AVEN: variants seen among roughly 807,000 people sequenced by gnomAD.
The protein encoded by AVEN is cell death regulator Aven.
A neutral mutation model predicts 38.1 loss-of-function variants in AVEN; 41 were observed. The observed-to-expected ratio is 1.08, with a 90% CI of 0.84 to 1.40. The LOEUF (loss-of-function observed/expected upper bound fraction) is 1.40. AVEN is among the 40% of genes most tolerant of loss of function. The pLI, the probability that AVEN is intolerant of heterozygous loss-of-function variation, is 0.00. For missense variants in AVEN, 605 were observed against 438.8 expected (o/e 1.38, Z -3.38); for synonymous variants, 206 against 171.8 (o/e 1.20, Z -1.56).
intron 1 of AVEN, among the ~76,000 whole-genome samples, chr15:34,006,227 C>T (rs1597340289): frequency 6.6e-6 from 1 of 151,568 alleles, no homozygotes; most frequent in Non-Finnish European, 1.5e-5. Context: ...AGGAGAATGG[C>T]GTGAATCCAG....
At chr15:33,887,988 G>A (rs1156449328) in intron 2 of AVEN, among the ~76,000 whole-genome samples, 2 of 151,996 alleles carry the variant, frequency 1.3e-5, no homozygotes, top group Non-Finnish European at 1.5e-5. Context: ...TCACCCTCAG[G>A]GAGAGCAGAT....
intron 3 of AVEN, among the ~76,000 whole-genome samples, chr15:33,871,843 G>A (rs114247963): frequency 0.032 from 4,829 of 151,454 alleles, 240 homozygotes; most frequent in African/African-American, 0.11. Context: ...CCCCATAAAG[G>A]GCTAAAGCTG....
intron 2 of AVEN, among the ~76,000 whole-genome samples, chr15:33,932,328 G>A (rs1312251463): frequency 6.6e-6 from 1 of 152,186 alleles, no homozygotes; most frequent in African/African-American, 2.4e-5. Context: ...AAGTCATACA[G>A]TGATCTTGTC....
chr15:33,920,188 G>A (rs1893340191), intron 2 of AVEN, among the ~76,000 whole-genome samples: 1 of 152,072 alleles, frequency 6.6e-6, no homozygotes, highest in African/African-American at 2.4e-5. Flanking sequence ...CTTAATTGTG[G>A]TAAAAATACA....
At chr15:34,018,611 G>C (rs767283566) in intron 1 of AVEN, 1 of 152,264 alleles carries the variant, frequency 6.6e-6, no homozygotes, top group African/African-American at 2.4e-5. Context: ...CCCAAAGAGT[G>C]TGCAGCAGCA....
chr15:34,013,979 G>A (rs1897752743), intron 1 of AVEN, among the ~76,000 whole-genome samples: 1 of 152,114 alleles, frequency 6.6e-6, no homozygotes, highest in South Asian at 2.1e-4. Flanking sequence ...CCCCTGCCTT[G>A]GTATTAGCAA....
At chr15:33,932,720 G>A (rs1021015029) in intron 2 of AVEN, among the ~76,000 whole-genome samples, 1 of 152,080 alleles carries the variant, frequency 6.6e-6, no homozygotes, top group Non-Finnish European at 1.5e-5. Flanking sequence ...AGCTACTCAG[G>A]AGGCTGAGGC....
intron 5 of AVEN, among the ~76,000 whole-genome samples, chr15:34,061,278 A>G (rs747041919): frequency 3.9e-5 from 6 of 152,132 alleles, no homozygotes; most frequent in Non-Finnish European, 8.8e-5. Context: ...CTACAAAGGG[A>G]AAATTTCATT....
intron 1 of AVEN, among the ~76,000 whole-genome samples, chr15:34,005,492 G>A (rs569351903): frequency 6.6e-6 from 1 of 152,126 alleles, no homozygotes; most frequent in African/African-American, 2.4e-5. Context: ...GCTCAATGGA[G>A]TCAAGCTAAA....
chr15:33,942,615 T>G (rs1455982975), intron 2 of AVEN, among the ~76,000 whole-genome samples: 2 of 152,002 alleles, frequency 1.3e-5, no homozygotes, highest in African/African-American at 4.8e-5. Flanking sequence ...CATGCCCGGC[T>G]AATATTTTTG....
At chr15:33,885,927 G>T (rs1891680645) in intron 2 of AVEN, among the ~76,000 whole-genome samples, 1 of 152,142 alleles carries the variant, frequency 6.6e-6, no homozygotes, top group South Asian at 2.1e-4. Context: ...TCAGAACAAG[G>T]CCAGCATCAA....
intron 2 of AVEN, among the ~76,000 whole-genome samples, chr15:33,950,212 A>G (rs966423660): frequency 3.9e-5 from 6 of 152,190 alleles, no homozygotes; most frequent in Admixed American, 6.5e-5. Flanking sequence ...CTGGAGTGTG[A>G]GGGAAATGGG....
chr15:33,875,172 G>C (rs1333130684), intron 3 of AVEN, among the ~76,000 whole-genome samples: 4 of 152,192 alleles, frequency 2.6e-5, no homozygotes, highest in Non-Finnish European at 5.9e-5. Context: ...AGGGAGGACA[G>C]TGCCTACGGG....
At chr15:33,921,202 C>G (rs980478104) in intron 2 of AVEN, among the ~76,000 whole-genome samples, 3 of 152,192 alleles carry the variant, frequency 2.0e-5, no homozygotes, top group African/African-American at 4.8e-5. Flanking sequence ...AGTATTTTAA[C>G]AACACATAGC....
chr15:33,989,106 T>C (rs74007650), intron 2 of AVEN, among the ~76,000 whole-genome samples: 3,229 of 152,200 alleles, frequency 0.021, 109 homozygotes, highest in African/African-American at 0.072. Flanking sequence ...GTATCACCTC[T>C]ATAGTTGCAG....
At chr15:33,917,418 T>TAC (rs779672632) in intron 2 of AVEN, among the ~76,000 whole-genome samples, 1 of 147,772 alleles carries the variant, frequency 6.8e-6, no homozygotes, top group Non-Finnish European at 1.5e-5. Context: ...ACTATATATA[T>TAC]ACACACACTA....
At chr15:33,867,425 G>A (rs1890654471) in intron 5 of AVEN, 70 bp downstream of exon 5, 7 of 1,519,452 alleles carry the variant, frequency 4.6e-6, no homozygotes, top group Non-Finnish European at 6.2e-6. Context: ...GTGCGGATGT[G>A]ATGCGGGCGG....
intron 5 of AVEN, among the ~76,000 whole-genome samples, chr15:34,044,640 G>A (rs1899617643): frequency 6.6e-6 from 1 of 152,334 alleles, no homozygotes; most frequent in Non-Finnish European, 1.5e-5. Context: ...CCCAACAGAA[G>A]GGGACCCACC....
intron 2 of AVEN, among the ~76,000 whole-genome samples, chr15:33,978,005 G>A (rs1264519302): frequency 1.5e-5 from 2 of 136,514 alleles, no homozygotes; most frequent in African/African-American, 5.3e-5. Flanking sequence ...AGGAAGAGAG[G>A]AAGGGAGGGA....
Sources: gnomAD v4.1 joint callset for allele counts (sites outside exome capture counted in the v4.1 genomes callset) on GRCh38, gnomAD v4.1.1 for gene constraint, MANE v1.5 for transcripts, NCBI Gene and HGNC (gene_info 2026-07-23, HGNC 2026-07-21) for gene names.